The following TMCO1 variants were observed in gnomAD, a reference collection of about 807,000 sequenced individuals.
The protein encoded by TMCO1 is calcium load-activated calcium channel.
TMCO1 carries 29 observed loss-of-function variants against 29.3 expected under a neutral mutation model. The ratio of observed to expected loss-of-function variants is 0.99; its 90% confidence interval spans 0.74 to 1.35. The LOEUF (loss-of-function observed/expected upper bound fraction) is 1.35. TMCO1 is among the 40% of genes most tolerant of loss of function. The probability of loss-of-function intolerance (pLI) is 0.00; values close to 1 mark genes in which losing one functional copy is unlikely to be tolerated. For missense variants in TMCO1, 173 were observed against 225.5 expected, an observed-to-expected ratio of 0.77 and a Z score of 1.49; for synonymous variants, 80 against 77.1, an observed-to-expected ratio of 1.04 and a Z score of -0.20.
intron 5 of TMCO1, among the ~76,000 whole-genome samples, chr1:165,746,453 T>TCACACACA (rs59467463): frequency 0.15 from 19,528 of 132,196 alleles, 1,655 homozygotes; most frequent in South Asian, 0.2. Context: ...AAGACCTATA[T>TCACACACA]CACACACACA....
intron 5 of TMCO1, among the ~76,000 whole-genome samples, chr1:165,751,069 G>T (rs950660109): frequency 6.6e-6 from 1 of 151,974 alleles, no homozygotes; most frequent in Non-Finnish European, 1.5e-5. Context: ...ACTCTGTCCC[G>T]AACAACAACA....
At chr1:165,737,043 G>A (rs1236350774) in intron 6 of TMCO1, among the ~76,000 whole-genome samples, 2 of 152,148 alleles carry the variant, frequency 1.3e-5, no homozygotes, top group African/African-American at 4.8e-5. Context: ...TTGGGCTCTT[G>A]GTCTTGAACT....
intron 6 of TMCO1, among the ~76,000 whole-genome samples, chr1:165,741,542 T>C (rs964447618): frequency 3.9e-5 from 6 of 152,166 alleles, no homozygotes; most frequent in Non-Finnish European, 8.8e-5. Flanking sequence ...TGAAAACTAT[T>C]AAGCAAGCCA....
At chr1:165,760,387 C>A (rs567136810) in intron 2 of TMCO1, among the ~76,000 whole-genome samples, 4 of 149,268 alleles carry the variant, frequency 2.7e-5, no homozygotes, top group Admixed American at 6.7e-5. Context: ...GTTTAGATCA[C>A]ACCACTCTAC....
chr1:165,763,988 A>T (rs184790136), intron 2 of TMCO1, among the ~76,000 whole-genome samples: 26 of 152,386 alleles, frequency 1.7e-4, no homozygotes, highest in African/African-American at 6.0e-4. Flanking sequence ...ATTTCTATAA[A>T]GTAAATAATT....
intron 2 of TMCO1, among the ~76,000 whole-genome samples, chr1:165,763,155 A>G (rs188411016): frequency 1.3e-5 from 2 of 152,294 alleles, no homozygotes; most frequent in East Asian, 3.9e-4. Context: ...TATATTTTTG[A>G]TATTCTTCAA....
chr1:165,752,766 C>T (rs1043476342), intron 4 of TMCO1, among the ~76,000 whole-genome samples: 27 of 151,670 alleles, frequency 1.8e-4, no homozygotes, highest in Admixed American at 1.2e-3. Flanking sequence ...TGCACTCCTG[C>T]CCCAGGCGAC....
Position 165,739,136 on chromosome 1 carries a change from TCAG to T in TMCO1, c.468+4028_468+4030del, listed in dbSNP as rs1651494428. ...GCCCACCTCCCCCTCTTTTTTGTAT[TCAG>T]CAAGCATGTTTCAGTAGGCTGTACC... On this transcript the variant is annotated intron_variant, in intron 6 of 6. Coordinates refer to ENST00000367881, the MANE Select transcript of TMCO1 (RefSeq NM_019026.6). Among the ~76,000 whole-genome samples the T allele has an allele frequency of 2.6e-5, 4 of 152,332 alleles. No individual in the cohort carries two copies. In the South Asian group the frequency reaches 8.3e-4, roughly 32 times the overall value.
intron 6 of TMCO1, among the ~76,000 whole-genome samples, chr1:165,728,324 T>C (rs1253818931): frequency 6.6e-6 from 1 of 151,894 alleles, no homozygotes; most frequent in African/African-American, 2.4e-5. Flanking sequence ...TGGAGCAATC[T>C]TGGCTCACTG....
rs1421062976 is a variant in TMCO1, at chr1:165,746,361, G to A, written c.324-3050C>T. ...TTCCTGCCAACATATCCTTTTATAA[G>A]AAACCTGATTATAATGAAGCTTTCA... On this transcript the variant is annotated intron_variant, in intron 5 of 6. Coordinates refer to ENST00000367881, the MANE Select transcript of TMCO1 (RefSeq NM_019026.6). 2.0e-5 allele frequency among the ~76,000 whole-genome samples: 3 copies of A among 146,496 alleles called. No homozygotes were observed. In the Admixed American group the frequency reaches 2.1e-4, roughly 10 times the overall value.
intron 1 of TMCO1, 136 bp from the exon 2 acceptor site, chr1:165,768,405 A>G (rs2101820940): frequency 2.0e-6 from 3 of 1,491,764 alleles, no homozygotes; most frequent in East Asian, 4.9e-5. Context: ...TTCAAAGGCT[A>G]ATACAACTGA....
chr1:165,768,874 C>A (rs1652690225), upstream of TMCO1: 1 of 1,559,086 alleles, frequency 6.4e-7, no homozygotes, highest in South Asian at 1.2e-5. Flanking sequence ...ACTCTGACAG[C>A]CCGAAGATCG....
At chr1:165,730,165 C>CAAAAAAAAAAAAA (rs572104283) in intron 6 of TMCO1, among the ~76,000 whole-genome samples, 2 of 103,102 alleles carry the variant, frequency 1.9e-5, no homozygotes, top group Admixed American at 2.0e-4. Flanking sequence ...ACTAAAAATA[C>CAAAAAAAAAAAAA]ACACACACAA....
Position 165,728,052 on chromosome 1 carries a change from G to A in TMCO1, c.538C>T (p.Pro180Ser). The change falls in exon 7 of 7, where the codon CCA becomes TCA. Residue 180 changes from proline (P) to serine (S), a missense_variant. Coordinates refer to ENST00000367881, the MANE Select transcript of TMCO1 (RefSeq NM_019026.6). ...ATKQAGGFLG[P>S]PPPSGKFS ...GAGAACTTCCCAGAAGGAGGTGGTGGGCCAAGAAATCCACCTGCCTGCTTG... is the reference window on the plus strand; with the variant it reads ...GAGAACTTCCCAGAAGGAGGTGGTGAGCCAAGAAATCCACCTGCCTGCTTG... 1 of 1,608,882 alleles carries A rather than the reference G, an allele frequency of 6.2e-7. No homozygotes were observed. The highest frequency in any genetic ancestry group is 8.5e-7 in the Non-Finnish European group (1 of 1,176,678).
intron 2 of TMCO1, 25 bp from the exon 3 acceptor site, chr1:165,759,609 A>G: frequency 6.3e-7 from 1 of 1,584,522 alleles, no homozygotes; most frequent in Non-Finnish European, 8.7e-7. Flanking sequence ...GTAACACAGT[A>G]AAAATTAACT....
At chr1:165,768,378 A>T in intron 1 of TMCO1, 109 bp from the exon 2 acceptor site, 1 of 1,485,590 alleles carries the variant, frequency 6.7e-7, no homozygotes, top group African/African-American at 1.4e-5. Context: ...CTTTGTATTT[A>T]CCCATAGTTA....
At chr1:165,726,147 G>C (rs61473419), downstream of TMCO1, 2 of 694,188 alleles carry the variant, frequency 2.9e-6, no homozygotes, top group South Asian at 3.0e-5. Context: ...TGTTATCATG[G>C]GCATCATTTT....
At chr1:165,737,312 A>C (rs1228701985) in intron 6 of TMCO1, among the ~76,000 whole-genome samples, 1 of 152,148 alleles carries the variant, frequency 6.6e-6, no homozygotes, top group Non-Finnish European at 1.5e-5. Flanking sequence ...AGATCAACAG[A>C]AATTATCCCA....
At position 165,761,508 on chromosome 1, in the gene TMCO1, C is replaced by G. The variant is rs1352822350; in HGVS notation, c.149-1924G>C. Among the ~76,000 whole-genome samples the G allele has an allele frequency of 2.0e-5, 3 of 151,612 alleles. No homozygotes were observed. In the East Asian group the frequency reaches 5.8e-4, roughly 29 times the overall value. On this transcript the variant is annotated intron_variant, in intron 2 of 6. Coordinates refer to ENST00000367881, the MANE Select transcript of TMCO1 (RefSeq NM_019026.6). The stretch of plus-strand genomic sequence containing the variant: ...TGTGTTCACTTCACTGCACTCCAGC[C>G]TATGCGAGAGCGAGACCCTGTCGCC...
Sources: allele counts gnomAD v4.1 joint callset (sites outside exome capture counted in the v4.1 genomes callset), GRCh38; gene constraint gnomAD v4.1.1; transcripts MANE v1.5; gene names NCBI Gene and HGNC (gene_info 2026-07-23, HGNC 2026-07-21).